GNL3L: variants seen among roughly 807,000 people sequenced by gnomAD.
The protein encoded by GNL3L is G protein nucleolar 3 like.
In GNL3L, 4 loss-of-function variants were observed where a neutral mutation model predicts 42.9. That is an observed-to-expected ratio of 0.09 (90% CI 0.05 to 0.21). The LOEUF is 0.21. Ranked by LOEUF, GNL3L falls within the 10% of genes least tolerant of loss-of-function variation. GNL3L has a pLI of 1.00. For missense variants in GNL3L, 412 were observed against 481.7 expected (o/e 0.86, Z 1.36); for synonymous variants, 159 against 176.3 (o/e 0.90, Z 0.78).
At chrX:54,551,468 C>A in intron 10 of GNL3L, 100 bp from the exon 11 acceptor site, 2 of 668,635 alleles carry the variant, frequency 3.0e-6, no homozygotes, top group East Asian at 3.3e-5. Context: ...CTAATGCACC[C>A]TCCCCTCACT....
At chrX:54,639,304 C>A in the GNL3L span, among the ~76,000 whole-genome samples, 2 of 111,515 alleles carry the variant, frequency 1.8e-5, no homozygotes, top group Non-Finnish European at 3.8e-5. Context: ...TAAGGTCTTA[C>A]TTTGAATAGG....
intron 14 of GNL3L, among the ~76,000 whole-genome samples, chrX:54,557,035 A>C (rs1395043348): frequency 9.1e-6 from 1 of 109,931 alleles, no homozygotes; most frequent in Non-Finnish European, 1.9e-5. Flanking sequence ...AAAAAAAATT[A>C]GCCAGGTGTG....
chrX:54,558,696 A>G (rs1925172611), intron 15 of GNL3L, 41 bp downstream of exon 15: 2 of 979,971 alleles, frequency 2.0e-6, no homozygotes, highest in Admixed American at 2.8e-5. Flanking sequence ...AAAGGGGCCC[A>G]CATGGGATCT....
Position 54,562,063 on chromosome X carries a change from T to G in GNL3L, c.*1461T>G, listed in dbSNP as rs935792791. Among the ~76,000 whole-genome samples the G allele has an allele frequency of 8.9e-6, 1 of 111,941 alleles. No homozygotes were observed. Among genetic ancestry groups the G allele is most frequent in the Non-Finnish European group, 1.9e-5 (1 of 53,124 alleles). The stretch of plus-strand genomic sequence containing the variant: ...ATCCTTCGACCCACAGCTGCACCTT[T>G]ATTTATTTATTTTGCTCTGTTGCCC... On this transcript the variant is annotated 3_prime_UTR_variant, in exon 16 of 16. Coordinates refer to ENST00000360845, the MANE Select transcript of GNL3L (RefSeq NM_001184819.2).
chrX:54,590,709 A>G (rs1181500505), intron 16 of GNL3L, among the ~76,000 whole-genome samples: 2 of 111,192 alleles, frequency 1.8e-5, no homozygotes, highest in Non-Finnish European at 3.8e-5. Context: ...TGTGCTTGAG[A>G]TTTTCCCCAG....
chrX:54,572,482 G>A (rs368862509), intron 16 of GNL3L, among the ~76,000 whole-genome samples: 2 of 111,583 alleles, frequency 1.8e-5, no homozygotes, highest in Non-Finnish European at 3.8e-5. Flanking sequence ...CCACAAAGCC[G>A]CCATTGTCAT....
chrX:54,620,381 A>G (rs752524655), intron 16 of GNL3L, among the ~76,000 whole-genome samples: 2 of 111,907 alleles, frequency 1.8e-5, no homozygotes, highest in Non-Finnish European at 3.8e-5. Flanking sequence ...ATAAGTGAGA[A>G]CATGCAATGT....
chrX:54,584,997 T>G (rs1331161494), intron 16 of GNL3L, among the ~76,000 whole-genome samples: 1 of 111,934 alleles, frequency 8.9e-6, no homozygotes, highest in Non-Finnish European at 1.9e-5. Flanking sequence ...TTGGTCAGGC[T>G]GGTCTCGAGC....
At chrX:54,617,470 G>A (rs774577816) in intron 16 of GNL3L, among the ~76,000 whole-genome samples, 36 of 111,750 alleles carry the variant, frequency 3.2e-4, no homozygotes, top group African/African-American at 1.1e-3. Flanking sequence ...GCTTTTAGCT[G>A]TGTTTTCTCT....
the GNL3L span, among the ~76,000 whole-genome samples, chrX:54,630,996 G>A: frequency 2.8e-5 from 3 of 108,149 alleles, no homozygotes; most frequent in Non-Finnish European, 5.7e-5. Context: ...TAATAGAGAT[G>A]GGGTTTCACC....
At chrX:54,588,244 T>A (rs1925815203) in intron 16 of GNL3L, among the ~76,000 whole-genome samples, 1 of 112,042 alleles carries the variant, frequency 8.9e-6, no homozygotes, top group African/African-American at 3.2e-5. Context: ...TCCAGTACAA[T>A]GTTGAATAGA....
At chrX:54,540,993 C>T (rs746128543) in intron 4 of GNL3L, among the ~76,000 whole-genome samples, 5 of 111,867 alleles carry the variant, frequency 4.5e-5, no homozygotes, top group Non-Finnish European at 7.5e-5. Context: ...CATCCCAGGA[C>T]CTTGGCTTCT....
At chrX:54,592,759 G>A (rs2147521808) in intron 16 of GNL3L, among the ~76,000 whole-genome samples, 1 of 108,660 alleles carries the variant, frequency 9.2e-6, no homozygotes, top group South Asian at 4.1e-4. Flanking sequence ...AGGCTGTGAT[G>A]ATTCGTGATC....
At chrX:54,611,990 T>G (rs1038239196) in intron 16 of GNL3L, among the ~76,000 whole-genome samples, 1 of 112,242 alleles carries the variant, frequency 8.9e-6, no homozygotes, top group Non-Finnish European at 1.9e-5. Flanking sequence ...ACTTTCTGTC[T>G]TGATGACCTG....
Position 54,536,836 on chromosome X carries a change from A to AGAAAGGAAGGAAG in GNL3L, c.20-2195_20-2183dup, listed in dbSNP as rs373632267. The stretch of plus-strand genomic sequence containing the variant: ...AGGGAGGGAGGGAGGGAGAGACGAA[A>AGAAAGGAAGGAAG]GAAAGGAAGGAAGGAAAGGAAAGAA... On this transcript the variant is annotated intron_variant, in intron 2 of 15. Coordinates refer to ENST00000360845, the MANE Select transcript of GNL3L (RefSeq NM_001184819.2). Among the ~76,000 whole-genome samples the AGAAAGGAAGGAAG allele has an allele frequency of 2.9e-3, 316 of 107,722 alleles. 3 individuals carry two copies. Among genetic ancestry groups the AGAAAGGAAGGAAG allele is most frequent in the African/African-American group, 0.01 (304 of 29,547 alleles). The allele number at this position is 107,722 out of a possible 115,157, so 93.5% of individuals were successfully genotyped here.
rs1925337604 is a variant in GNL3L at position 54,563,723 on chromosome X, C to CTGCATTGAGCCCAGGAGGTCGA, written c.*3132_*3133insCAGGAGGTCGATGCATTGAGCC. Among the ~76,000 whole-genome samples, 2 of 110,104 alleles carry CTGCATTGAGCCCAGGAGGTCGA rather than the reference C, an allele frequency of 1.8e-5. No homozygotes were observed. Among genetic ancestry groups the CTGCATTGAGCCCAGGAGGTCGA allele is most frequent in the African/African-American group, 6.6e-5 (2 of 30,276 alleles). On this transcript the variant is annotated 3_prime_UTR_variant, in exon 16 of 16. Coordinates refer to ENST00000360845, the MANE Select transcript of GNL3L (RefSeq NM_001184819.2). ...ATCTCTTGAGCCCAGGAGGTCGATG[C>CTGCATTGAGCCCAGGAGGTCGA]TGCATTGAGCCGAGATTGTGCCACT...
At chrX:54,602,307 T>C (rs1349965303) in intron 16 of GNL3L, among the ~76,000 whole-genome samples, 2 of 111,946 alleles carry the variant, frequency 1.8e-5, no homozygotes, top group East Asian at 5.6e-4. Context: ...TATTGTACTT[T>C]TAGCTTTTAT....
chrX:54,566,335 C>T lies in GNL3L; in HGVS notation c.*5733C>T, dbSNP rs760834095. Among the ~76,000 whole-genome samples, 37 of 111,894 alleles carry T rather than the reference C, an allele frequency of 3.3e-4. No individual in the cohort carries two copies. Among genetic ancestry groups the T allele is most frequent in the African/African-American group, 1.1e-3 (33 of 30,784 alleles). On this transcript the variant is annotated 3_prime_UTR_variant, in exon 16 of 16. Coordinates refer to ENST00000360845, the MANE Select transcript of GNL3L (RefSeq NM_001184819.2). ...ACCACATTTTCTTTATCCAGTCTTT[C>T]GTTGATAGACATTTAGGTCGATTCC...
At chrX:54,541,981 C>T (rs900536012) in intron 5 of GNL3L, among the ~76,000 whole-genome samples, 1 of 111,386 alleles carries the variant, frequency 9.0e-6, no homozygotes, top group African/African-American at 3.3e-5. Context: ...CTCGAGCACA[C>T]GTATACACAT....
Sources: allele counts gnomAD v4.1 joint callset (sites outside exome capture counted in the v4.1 genomes callset), GRCh38; gene constraint gnomAD v4.1.1; transcripts MANE v1.5; gene names NCBI Gene and HGNC (gene_info 2026-07-23, HGNC 2026-07-21).